The following DLC1 variants were observed in gnomAD, a reference collection of about 807,000 sequenced individuals.
DLC1 encodes the protein DLC1 Rho GTPase activating protein.
DLC1 carries 54 observed loss-of-function variants against 140.3 expected under a neutral mutation model. That is an observed-to-expected ratio of 0.38 (90% CI 0.31 to 0.48). DLC1 has a LOEUF of 0.48. DLC1 is among the 20% of genes least tolerant of loss of function. The pLI is 0.96. For missense variants in DLC1, 2,536 were observed against 1,907.0 expected, an observed-to-expected ratio of 1.33 and a Z score of -6.14; for synonymous variants, 986 against 728.1, an observed-to-expected ratio of 1.35 and a Z score of -5.70.
chr8:13,439,704 A>T (rs1198696484), intron 2 of DLC1, among the ~76,000 whole-genome samples: 3 of 152,140 alleles, frequency 2.0e-5, no homozygotes, highest in Non-Finnish European at 2.9e-5. Flanking sequence ...AAGGACCACA[A>T]CTAGTTGGTC....
intron 2 of DLC1, among the ~76,000 whole-genome samples, chr8:13,479,841 G>GGAAAAGAAAGAAAGAA (rs1800619063): frequency 1.7e-5 from 1 of 57,412 alleles, no homozygotes; most frequent in Non-Finnish European, 4.3e-5. Flanking sequence ...AGAAGAAGAA[G>GGAAAAGAAAGAAAGAA]AAGAAGAAGA....
At chr8:13,566,354 C>G (rs1230981890) in intron 1 of DLC1, among the ~76,000 whole-genome samples, 1 of 150,296 alleles carries the variant, frequency 6.7e-6, no homozygotes, top group Non-Finnish European at 1.5e-5. Flanking sequence ...TCCCCCGCCC[C>G]TGCTCCCCAC....
intron 16 of DLC1, among the ~76,000 whole-genome samples, chr8:13,087,032 CT>C (rs1362374430): frequency 4.6e-4 from 70 of 152,288 alleles, no homozygotes; most frequent in Non-Finnish European, 8.2e-4. Flanking sequence ...ATAAAAATGG[CT>C]TGAGGCTGCA....
intron 5 of DLC1, among the ~76,000 whole-genome samples, chr8:13,222,021 G>A (rs1828582781): frequency 6.8e-6 from 1 of 147,764 alleles, no homozygotes; most frequent in Non-Finnish European, 1.5e-5. Flanking sequence ...TGCCAAGTGA[G>A]AAGTTAAACT....
chr8:13,173,740 A>G lies in DLC1; in HGVS notation c.1349-58083T>C, dbSNP rs1375095113. ...TTAGTTGCTTGAATTAGAACTACAT[A>G]TAAAACTACAGATTTCGAATGGTTT... On this transcript the variant is annotated intron_variant, in intron 5 of 17. Transcript: ENST00000276297. Among the ~76,000 whole-genome samples the G allele has an allele frequency of 2.0e-5, 3 of 152,212 alleles. 1 individual carries two copies. The highest frequency in any genetic ancestry group is 7.2e-5 in the African/African-American group (3 of 41,454).
intron 5 of DLC1, among the ~76,000 whole-genome samples, chr8:13,135,295 C>G (rs1822479504): frequency 6.6e-6 from 1 of 151,060 alleles, no homozygotes. Context: ...ATTCTCCTGC[C>G]TCAGCCTCCC....
At chr8:13,225,330 T>A (rs546194255) in intron 5 of DLC1, among the ~76,000 whole-genome samples, 1 of 152,308 alleles carries the variant, frequency 6.6e-6, no homozygotes, top group East Asian at 1.9e-4. Context: ...ATTTGAAGAT[T>A]TCCCAGTTAA....
chr8:13,261,467 T>G (rs1310072799), intron 5 of DLC1, among the ~76,000 whole-genome samples: 2 of 152,024 alleles, frequency 1.3e-5, no homozygotes, highest in East Asian at 3.9e-4. Context: ...TTGGAGGGTT[T>G]TGAGTTGAGG....
At chr8:13,444,297 A>T (rs1445196144) in intron 2 of DLC1, among the ~76,000 whole-genome samples, 1 of 152,126 alleles carries the variant, frequency 6.6e-6, no homozygotes, top group Non-Finnish European at 1.5e-5. Flanking sequence ...CTGGGGCCTG[A>T]CCGGTGGTGC....
chr8:13,535,674 A>AAG (rs1803252651), intron 1 of DLC1, among the ~76,000 whole-genome samples: 1 of 148,748 alleles, frequency 6.7e-6, no homozygotes, highest in African/African-American at 2.5e-5. Context: ...CTCATTAAAA[A>AAG]AAAAAAAAAA....
At position 13,494,737 on chromosome 8, in the gene DLC1, G is replaced by A. The variant is rs969020660; in HGVS notation, c.1023+4312C>T. The stretch of plus-strand genomic sequence containing the variant: ...AGGCTGAGGCAGGTGGATCACTTGA[G>A]GTCAGGAGTTTGAGACCAGGCTGGC... On this transcript the variant is annotated intron_variant, in intron 2 of 17. Coordinates refer to ENST00000276297, the MANE Select transcript of DLC1 (RefSeq NM_182643.3). 5.3e-5 allele frequency among the ~76,000 whole-genome samples: 8 copies of A among 152,084 alleles called. No individual in the cohort carries two copies. In the East Asian group the frequency reaches 1.2e-3, roughly 22 times the overall value.
chr8:13,545,630 A>G (rs1036758529), intron 1 of DLC1, among the ~76,000 whole-genome samples: 2 of 152,156 alleles, frequency 1.3e-5, no homozygotes, highest in African/African-American at 4.8e-5. Flanking sequence ...AATACCATAT[A>G]AAGAGAACAT....
chr8:13,279,036 C>A (rs1831271403), intron 5 of DLC1, among the ~76,000 whole-genome samples: 1 of 152,134 alleles, frequency 6.6e-6, no homozygotes, highest in South Asian at 2.1e-4. Context: ...AAATTAATGA[C>A]CATAGTAACG....
intron 7 of DLC1, 80 bp downstream of exon 7, chr8:13,110,662 G>C: frequency 7.4e-7 from 1 of 1,356,446 alleles, no homozygotes; most frequent in Non-Finnish European, 1.0e-6. Context: ...AAGAACAAAA[G>C]CAAACAAAGC....
chr8:13,131,229 C>A (rs549094432), intron 5 of DLC1, among the ~76,000 whole-genome samples: 1 of 152,126 alleles, frequency 6.6e-6, no homozygotes, highest in Non-Finnish European at 1.5e-5. Flanking sequence ...AGTCTGTAGT[C>A]CAGATGGATG....
chr8:13,590,802 A>C (rs2117472338), intron 1 of DLC1, among the ~76,000 whole-genome samples: 1 of 152,268 alleles, frequency 6.6e-6, no homozygotes, highest in African/African-American at 2.4e-5. Context: ...TGCAATTCAT[A>C]GAATATTTAG....
At chr8:13,585,960 A>T (rs900214640) in intron 1 of DLC1, among the ~76,000 whole-genome samples, 1 of 152,236 alleles carries the variant, frequency 6.6e-6, no homozygotes, top group Non-Finnish European at 1.5e-5. Flanking sequence ...GCAGAGAAAT[A>T]TAATGCTTAG....
At chr8:13,319,323 A>G (rs1832990311) in intron 4 of DLC1, among the ~76,000 whole-genome samples, 1 of 152,184 alleles carries the variant, frequency 6.6e-6, no homozygotes, top group Non-Finnish European at 1.5e-5. Context: ...CTCCACTGGC[A>G]AAGAACGCTT....
At chr8:13,376,532 A>G (rs1213014158) in intron 4 of DLC1, among the ~76,000 whole-genome samples, 2 of 152,176 alleles carry the variant, frequency 1.3e-5, no homozygotes, top group Non-Finnish European at 2.9e-5. Flanking sequence ...GGGAAAGGCA[A>G]TATGGTTAGA....
Sources: gnomAD v4.1 joint callset for allele counts (sites outside exome capture counted in the v4.1 genomes callset) on GRCh38, gnomAD v4.1.1 for gene constraint, MANE v1.5 for transcripts, NCBI Gene and HGNC (gene_info 2026-07-23, HGNC 2026-07-21) for gene names.